SYNJ2: variants seen among roughly 807,000 people sequenced by gnomAD.
The protein encoded by SYNJ2 is polyphosphatidylinositol phosphatase SYNJ2.
Under a neutral mutation model 141.3 loss-of-function variants are expected in SYNJ2, and 116 were observed. That is an observed-to-expected ratio of 0.82 (90% confidence interval 0.71 to 0.96). The LOEUF is 0.96. SYNJ2 is among the 40% of genes least tolerant of loss of function. The pLI, the probability that SYNJ2 is intolerant of heterozygous loss-of-function variation, is 0.00. For missense variants in SYNJ2, 1,873 were observed against 1,934.8 expected (o/e 0.97, Z 0.60); for synonymous variants, 745 against 777.7 (o/e 0.96, Z 0.70).
rs979696506 is a variant in SYNJ2 at position 158,058,632 on chromosome 6, G to T, written c.858-625G>T. Among the ~76,000 whole-genome samples the T allele has an allele frequency of 5.3e-5, 8 of 152,322 alleles. No homozygotes were observed. In the Middle Eastern group the frequency reaches 0.01, roughly 194 times the overall value. On this transcript the variant is annotated intron_variant, in intron 6 of 26. Coordinates refer to ENST00000355585, the MANE Select transcript of SYNJ2 (RefSeq NM_003898.4). ...CATTTCACACATGTGCACATTGCAT[G>T]TGTAAGACTCTAGCCCAGGCACGGT...
At chr6:157,998,360 G>A (rs1174398464) in intron 1 of SYNJ2, among the ~76,000 whole-genome samples, 2 of 152,256 alleles carry the variant, frequency 1.3e-5, no homozygotes, top group East Asian at 1.9e-4. Context: ...TCTTCACCGA[G>A]TGGTTATAAT....
chr6:158,042,948 T>C (rs1780028967), intron 4 of SYNJ2, among the ~76,000 whole-genome samples: 1 of 152,228 alleles, frequency 6.6e-6, no homozygotes. Context: ...TAGAGGGCTC[T>C]AAGGAAGGTT....
intron 9 of SYNJ2, 146 bp from the exon 10 acceptor site, chr6:158,064,455 G>T (rs1474591595): frequency 3.3e-5 from 33 of 1,007,054 alleles, no homozygotes; most frequent in South Asian, 1.7e-4. Context: ...ACTCTCTGCT[G>T]TGGGAACTCC....
At chr6:158,082,771 C>T (rs1052437384) in intron 20 of SYNJ2, among the ~76,000 whole-genome samples, 1 of 152,186 alleles carries the variant, frequency 6.6e-6, no homozygotes, top group Admixed American at 6.5e-5. Flanking sequence ...GTGTAGTTCT[C>T]GCCGAGTTAC....
intron 5 of SYNJ2, 108 bp from the exon 6 acceptor site, chr6:158,054,859 G>A (rs1265068797): frequency 8.9e-7 from 1 of 1,129,886 alleles, no homozygotes; most frequent in Non-Finnish European, 1.3e-6. Flanking sequence ...TGGCCTAGTG[G>A]GTGCCACATG....
Position 158,063,876 on chromosome 6 carries a change from C to T in SYNJ2, c.1209+4C>T, listed in dbSNP as rs750872905. The T allele has an allele frequency of 4.3e-6, 7 of 1,613,020 alleles. No individual in the cohort carries two copies. Among genetic ancestry groups the T allele is most frequent in the South Asian group, 3.3e-5 (3 of 91,052 alleles). ...GCAGAGCTTCATCGCGCTCGAGGTG[C>T]GTCCCTGCCACAGCCTTTTCGGCCA... On this transcript the variant is annotated splice_donor_region_variant and intron_variant, in intron 9 of 26. Coordinates refer to ENST00000355585, the MANE Select transcript of SYNJ2 (RefSeq NM_003898.4).
At chr6:158,009,453 G>A (rs1778185929) in intron 1 of SYNJ2, among the ~76,000 whole-genome samples, 1 of 152,176 alleles carries the variant, frequency 6.6e-6, no homozygotes, top group South Asian at 2.1e-4. Context: ...CCCTGGAAGG[G>A]TGCCAGCCAC....
chr6:158,036,654 G>T (rs1342442192), intron 4 of SYNJ2, among the ~76,000 whole-genome samples: 1 of 152,150 alleles, frequency 6.6e-6, no homozygotes, highest in African/African-American at 2.4e-5. Context: ...GAGAGGATCA[G>T]GAAAAATAAC....
intron 1 of SYNJ2, among the ~76,000 whole-genome samples, chr6:157,999,005 G>T (rs2128318883): frequency 6.6e-6 from 1 of 152,260 alleles, no homozygotes; most frequent in South Asian, 2.1e-4. Flanking sequence ...ACAAGCAACA[G>T]CCCAGAAGGA....
At chr6:158,094,083 G>A in intron 26 of SYNJ2, 1 of 711,922 alleles carries the variant, frequency 1.4e-6, no homozygotes, top group South Asian at 1.5e-5. Context: ...TTCCCCCCTA[G>A]AGAGTGTGAG....
intron 5 of SYNJ2, among the ~76,000 whole-genome samples, chr6:158,052,194 A>G (rs1398581691): frequency 1.3e-5 from 2 of 152,216 alleles, no homozygotes; most frequent in East Asian, 3.8e-4. Context: ...ACTCAAACAG[A>G]AGCAAAACTA....
chr6:158,045,772 T>C (rs1026192471), intron 5 of SYNJ2, among the ~76,000 whole-genome samples: 1 of 152,170 alleles, frequency 6.6e-6, no homozygotes, highest in African/African-American at 2.4e-5. Context: ...ACCTTGACCT[T>C]CGTGCTGCCT....
intron 15 of SYNJ2, among the ~76,000 whole-genome samples, chr6:158,072,978 C>G (rs986282196): frequency 6.7e-6 from 1 of 149,586 alleles, no homozygotes; most frequent in African/African-American, 2.5e-5. Flanking sequence ...GAGGCTGAGA[C>G]AGGAGAATCG....
intron 1 of SYNJ2, among the ~76,000 whole-genome samples, chr6:158,007,588 T>A (rs1398917002): frequency 2.0e-5 from 3 of 152,246 alleles, no homozygotes; most frequent in Non-Finnish European, 4.4e-5. Flanking sequence ...TGTGATGATG[T>A]TGAGGAATTG....
chr6:158,060,977 G>T (rs1250267089), intron 7 of SYNJ2, among the ~76,000 whole-genome samples: 1 of 152,240 alleles, frequency 6.6e-6, no homozygotes, highest in East Asian at 1.9e-4. Context: ...CCTGCCCAGG[G>T]CCCAATGGCC....
At chr6:158,066,745 C>T in intron 12 of SYNJ2, 110 bp downstream of exon 12, 1 of 1,283,274 alleles carries the variant, frequency 7.8e-7, no homozygotes, top group Non-Finnish European at 1.1e-6. Context: ...TTGGTGTCTT[C>T]CCTCCTCACA....
chr6:158,092,011 T>C (rs931158827), intron 25 of SYNJ2, among the ~76,000 whole-genome samples: 8 of 151,970 alleles, frequency 5.3e-5, no homozygotes, highest in Middle Eastern at 3.4e-3. Context: ...TTAGATCGTA[T>C]GATGGTTGCA....
chr6:158,089,944 G>A lies in SYNJ2; in HGVS notation c.3562G>A (p.Gly1188Arg), dbSNP rs1316627653. The A allele has an allele frequency of 6.2e-6, 10 of 1,612,538 alleles. No individual in the cohort carries two copies. Among genetic ancestry groups the A allele is most frequent in the Non-Finnish European group, 5.1e-6 (6 of 1,178,596 alleles). Residue 1188 changes from glycine (G) to arginine (R), a missense_variant, in exon 25 of 27, where the codon GGA becomes AGA. Gly to Arg is a moderately radical substitution (Grantham distance 125). Coordinates refer to ENST00000355585, the MANE Select transcript of SYNJ2 (RefSeq NM_003898.4). ...AATCCGGTGTCTCCTGGAAGCCAGA[G>A]GAGGTAGGTGCTTTCCTGGGGGCAG... Reference protein sequence around the residue: ...AAIRCLLEARGGASEEALSAV... With the variant: ...AAIRCLLEARRGASEEALSAV...
At chr6:158,034,062 G>C (rs1383164275) in intron 4 of SYNJ2, among the ~76,000 whole-genome samples, 1 of 152,174 alleles carries the variant, frequency 6.6e-6, no homozygotes, top group Non-Finnish European at 1.5e-5. Flanking sequence ...ACAATGGGGG[G>C]ATGAAAGAAG....
Sources: gnomAD v4.1 joint callset for allele counts (sites outside exome capture counted in the v4.1 genomes callset) on GRCh38, gnomAD v4.1.1 for gene constraint, MANE v1.5 for transcripts, NCBI Gene and HGNC (gene_info 2026-07-23, HGNC 2026-07-21) for gene names.